The following SLC39A10 variants were observed in gnomAD, a reference collection of about 807,000 sequenced individuals.
SLC39A10 encodes zinc transporter ZIP10.
Under a neutral mutation model 65.1 loss-of-function variants are expected in SLC39A10, and 13 were observed. The ratio of observed to expected loss-of-function variants is 0.20; its 90% CI spans 0.13 to 0.32. The LOEUF (loss-of-function observed/expected upper bound fraction) is 0.32. Among genes scored for constraint, SLC39A10 ranks in the 10% least tolerant of loss-of-function variants. The pLI, the probability that SLC39A10 is intolerant of heterozygous loss-of-function variation, is 1.00. For missense variants in SLC39A10, 831 were observed against 1,018.4 expected, an observed-to-expected ratio of 0.82 and a Z score of 2.50; for synonymous variants, 321 against 342.2, an observed-to-expected ratio of 0.94 and a Z score of 0.68.
chr2:195,649,162 GA>G (rs1256330434), intron 2 of SLC39A10, among the ~76,000 whole-genome samples: 4 of 151,936 alleles, frequency 2.6e-5, no homozygotes, highest in African/African-American at 9.7e-5. Context: ...AAAAAAGAAT[GA>G]CAACAACAAC....
intron 2 of SLC39A10, among the ~76,000 whole-genome samples, chr2:195,623,511 CAAAT>C (rs1274936664): frequency 6.6e-6 from 1 of 152,044 alleles, no homozygotes; most frequent in African/African-American, 2.4e-5. Flanking sequence ...CACAGTAAAC[CAAAT>C]ACTTACTATG....
At chr2:195,700,996 C>T (rs1157237211) in intron 3 of SLC39A10, among the ~76,000 whole-genome samples, 5 of 151,880 alleles carry the variant, frequency 3.3e-5, no homozygotes, top group Admixed American at 2.6e-4. Flanking sequence ...TTAAAATATT[C>T]TTGCTGTCCC....
intron 2 of SLC39A10, among the ~76,000 whole-genome samples, chr2:195,626,247 C>G (rs1267133722): frequency 6.6e-6 from 1 of 152,154 alleles, no homozygotes; most frequent in Non-Finnish European, 1.5e-5. Context: ...CACTCTTAGT[C>G]TTGAGGAGAT....
intron 2 of SLC39A10, among the ~76,000 whole-genome samples, chr2:195,631,125 G>A (rs1688576010): frequency 6.6e-6 from 1 of 152,022 alleles, no homozygotes; most frequent in African/African-American, 2.4e-5. Flanking sequence ...GGTGGAGGTT[G>A]CAATGAGCTG....
intron 3 of SLC39A10, among the ~76,000 whole-genome samples, chr2:195,698,259 T>C (rs1043458713): frequency 1.3e-5 from 2 of 152,150 alleles, no homozygotes; most frequent in Non-Finnish European, 2.9e-5. Context: ...ATATGTAAGA[T>C]CAAGTGCAAA....
At chr2:195,683,563 T>C in intron 2 of SLC39A10, 136 bp from the exon 3 acceptor site, 1 of 648,360 alleles carries the variant, frequency 1.5e-6, no homozygotes. Context: ...TAAAAAGTTT[T>C]ATTTGTAATA....
At chr2:195,673,851 T>A (rs909484647) in intron 1 of SLC39A10, among the ~76,000 whole-genome samples, 2 of 152,278 alleles carry the variant, frequency 1.3e-5, no homozygotes, top group Non-Finnish European at 1.5e-5. Context: ...ATTATCTTGC[T>A]TTAACAAATA....
intron 1 of SLC39A10, among the ~76,000 whole-genome samples, chr2:195,677,699 T>C (rs1690147945): frequency 6.6e-6 from 1 of 152,196 alleles, no homozygotes; most frequent in South Asian, 2.1e-4. Context: ...GATAGATTTT[T>C]CTGTTTCATT....
intron 3 of SLC39A10, among the ~76,000 whole-genome samples, chr2:195,692,936 C>G (rs964647249): frequency 6.6e-6 from 1 of 152,120 alleles, no homozygotes; most frequent in African/African-American, 2.4e-5. Flanking sequence ...AACTTTTTCC[C>G]ATTTAGTATA....
intron 1 of SLC39A10, among the ~76,000 whole-genome samples, chr2:195,669,859 G>A (rs1381661021): frequency 6.6e-6 from 1 of 152,068 alleles, no homozygotes; most frequent in African/African-American, 2.4e-5. Context: ...ATGAATAAAT[G>A]TCTTTAAAAA....
intron 2 of SLC39A10, among the ~76,000 whole-genome samples, chr2:195,619,183 C>A (rs1688295404): frequency 6.6e-6 from 1 of 151,098 alleles, no homozygotes; most frequent in Non-Finnish European, 1.5e-5. Flanking sequence ...TACGGGTAGA[C>A]CAATCCAGGG....
intron 2 of SLC39A10, among the ~76,000 whole-genome samples, chr2:195,641,053 C>T (rs369783801): frequency 6.6e-6 from 1 of 152,152 alleles, no homozygotes; most frequent in East Asian, 1.9e-4. Context: ...GAACAAGGAA[C>T]AGTCCCTGCT....
chr2:195,723,400 G>A (rs889467734), intron 8 of SLC39A10, among the ~76,000 whole-genome samples: 11 of 152,280 alleles, frequency 7.2e-5, no homozygotes, highest in African/African-American at 2.6e-4. Flanking sequence ...TGTAGTAGGA[G>A]GAGGCCATCT....
At chr2:195,634,998 A>G (rs554816093) in intron 2 of SLC39A10, among the ~76,000 whole-genome samples, 1 of 152,312 alleles carries the variant, frequency 6.6e-6, no homozygotes, top group East Asian at 1.9e-4. Context: ...CAGTGAGCTG[A>G]GATCGCACCA....
chr2:195,735,143 G>A lies in SLC39A10; in HGVS notation c.*102G>A, dbSNP rs1692550997. The A allele has an allele frequency of 8.0e-7, 1 of 1,248,314 alleles. No individual in the cohort carries two copies. The highest frequency in any genetic ancestry group is 1.6e-5 in the African/African-American group (1 of 64,454). The allele number at this position is 1,248,314 out of a possible 1,614,324, so 77.3% of individuals were successfully genotyped here. On this transcript the variant is annotated 3_prime_UTR_variant, in exon 10 of 10. Transcript: ENST00000359634. ...TTGCTCAAAGGAAAGTCAGTGGCTT[G>A]CACTACTTACAAGTTTCATAGATTT...
chr2:195,631,525 C>T (rs977539564), intron 2 of SLC39A10, among the ~76,000 whole-genome samples: 1 of 151,970 alleles, frequency 6.6e-6, no homozygotes, highest in South Asian at 2.1e-4. Flanking sequence ...AAAAAATATC[C>T]TTAAAAGCAA....
chr2:195,643,125 T>C (rs1482387521), intron 2 of SLC39A10, among the ~76,000 whole-genome samples: 1 of 152,174 alleles, frequency 6.6e-6, no homozygotes, highest in East Asian at 1.9e-4. Flanking sequence ...ATCAAATTCC[T>C]TGAGGATTTG....
chr2:195,632,199 C>G (rs966207730), intron 2 of SLC39A10, among the ~76,000 whole-genome samples: 2 of 151,714 alleles, frequency 1.3e-5, no homozygotes, highest in African/African-American at 4.8e-5. Flanking sequence ...ATCATCATGC[C>G]CAGCCTGTTT....
chr2:195,653,973 T>A (rs565379638), upstream of SLC39A10, among the ~76,000 whole-genome samples: 1 of 152,052 alleles, frequency 6.6e-6, no homozygotes, highest in Non-Finnish European at 1.5e-5. Context: ...AGTTTTGCTC[T>A]TGTTGCCCAG....
Sources: gnomAD v4.1 joint callset for allele counts (sites outside exome capture counted in the v4.1 genomes callset) on GRCh38, gnomAD v4.1.1 for gene constraint, MANE v1.5 for transcripts, NCBI Gene and HGNC (gene_info 2026-07-23, HGNC 2026-07-21) for gene names.